Variants in ASTN2 observed in about 807,000 individuals in gnomAD.
The protein encoded by ASTN2 is astrotactin 2, also known as astrotactin-2.
In ASTN2, 54 loss-of-function variants were observed where a neutral mutation model predicts 139.8. The ratio of observed to expected loss-of-function variants is 0.39; its 90% CI spans 0.31 to 0.48. The LOEUF is 0.48. Among genes scored for constraint, ASTN2 ranks in the 20% least tolerant of loss-of-function variants. The pLI, the probability that ASTN2 is intolerant of heterozygous loss-of-function variation, is 0.95. For missense variants in ASTN2, 1,565 were observed against 1,725.1 expected, an observed-to-expected ratio of 0.91 and a Z score of 1.64; for synonymous variants, 756 against 719.5, an observed-to-expected ratio of 1.05 and a Z score of -0.81.
chr9:117,046,154 C>T (rs954063770), intron 5 of ASTN2, among the ~76,000 whole-genome samples: 4 of 152,034 alleles, frequency 2.6e-5, no homozygotes, highest in African/African-American at 7.2e-5. Flanking sequence ...GCAAACGCCA[C>T]CACACCTGGC....
intron 10 of ASTN2, among the ~76,000 whole-genome samples, chr9:116,886,329 C>T (rs1183405396): frequency 1.3e-5 from 2 of 152,256 alleles, no homozygotes; most frequent in African/African-American, 4.8e-5. Flanking sequence ...ACTGCCCAAG[C>T]AATGTGGGAA....
intron 6 of ASTN2, among the ~76,000 whole-genome samples, chr9:117,022,591 G>A (rs1837916709): frequency 6.6e-6 from 1 of 152,106 alleles, no homozygotes; most frequent in Non-Finnish European, 1.5e-5. Flanking sequence ...TTGAAAACTA[G>A]ACTTAACACG....
intron 19 of ASTN2, among the ~76,000 whole-genome samples, chr9:116,606,252 G>C (rs575341988): frequency 6.6e-6 from 1 of 152,150 alleles, no homozygotes; most frequent in Non-Finnish European, 1.5e-5. Context: ...ACAGCGTCCC[G>C]GAACTGACCG....
At chr9:117,347,617 T>A (rs1235267647) in intron 1 of ASTN2, among the ~76,000 whole-genome samples, 1 of 152,178 alleles carries the variant, frequency 6.6e-6, no homozygotes. Flanking sequence ...CCACACCCAA[T>A]TATCTGTTCT....
At chr9:116,783,391 A>G (rs1014671322) in intron 13 of ASTN2, among the ~76,000 whole-genome samples, 6 of 135,116 alleles carry the variant, frequency 4.4e-5, no homozygotes, top group Admixed American at 1.8e-4. Flanking sequence ...TCAACCTTCT[A>G]TCTTGTTAAC....
At chr9:116,733,576 G>A in intron 13 of ASTN2, 53 bp from the exon 14 acceptor site, 2 of 1,610,708 alleles carry the variant, frequency 1.2e-6, no homozygotes, top group Admixed American at 1.7e-5. Context: ...GACTGCTGAG[G>A]ACTACAGGGC....
chr9:116,878,987 A>G (rs1833376534), intron 10 of ASTN2, among the ~76,000 whole-genome samples: 1 of 151,870 alleles, frequency 6.6e-6, no homozygotes, highest in South Asian at 2.1e-4. Context: ...CCTGCTGCTC[A>G]GGAGCCTGAG....
chr9:116,763,904 A>G (rs1281041885), intron 13 of ASTN2, among the ~76,000 whole-genome samples: 3 of 152,190 alleles, frequency 2.0e-5, no homozygotes, highest in Non-Finnish European at 4.4e-5. Flanking sequence ...AGAAACAACC[A>G]GATAACTCCA....
intron 2 of ASTN2, among the ~76,000 whole-genome samples, chr9:117,256,796 A>C (rs1474062841): frequency 6.6e-6 from 1 of 152,228 alleles, no homozygotes; most frequent in Non-Finnish European, 1.5e-5. Flanking sequence ...TTAGTTTTTC[A>C]TTCAACAGCA....
intron 19 of ASTN2, among the ~76,000 whole-genome samples, chr9:116,518,052 G>A (rs1587925282): frequency 6.6e-6 from 1 of 152,314 alleles, no homozygotes; most frequent in South Asian, 2.1e-4. Context: ...TCCCAAGGAA[G>A]ACAACAAATC....
chr9:117,016,626 A>AGGT lies in ASTN2; in HGVS notation c.1424-8368_1424-8367insACC, dbSNP rs1564385881. On this transcript the variant is annotated intron_variant, in intron 6 of 22. Transcript: ENST00000313400. ...TATCTATATCTATATCTATCTATCT[A>AGGT]TATATATATATATATATATATATAT... is the stretch of plus-strand genomic sequence containing the variant. Among the ~76,000 whole-genome samples the AGGT allele has an allele frequency of 8.1e-3, 158 of 19,456 alleles. 20 individuals are homozygous for AGGT. Among genetic ancestry groups the AGGT allele is most frequent in the Middle Eastern group, 0.056 (2 of 36 alleles). The allele number at this position is 19,456 out of a possible 152,430, so 12.8% of individuals were successfully genotyped here. A position where few individuals can be genotyped will look rare whatever the true frequency, so the allele number is the denominator to read the frequency against.
chr9:117,382,235 G>T (rs911275992), intron 1 of ASTN2, among the ~76,000 whole-genome samples: 1 of 152,138 alleles, frequency 6.6e-6, no homozygotes, highest in African/African-American at 2.4e-5. Flanking sequence ...GGGTGATGGG[G>T]TTGGCATGTG....
intron 10 of ASTN2, among the ~76,000 whole-genome samples, chr9:116,912,823 C>A (rs946043128): frequency 1.3e-5 from 2 of 152,092 alleles, no homozygotes; most frequent in African/African-American, 4.8e-5. Flanking sequence ...CGGTTAAGAA[C>A]ATCAACTTCA....
At chr9:116,607,563 C>T (rs541137238) in intron 19 of ASTN2, among the ~76,000 whole-genome samples, 4 of 152,078 alleles carry the variant, frequency 2.6e-5, no homozygotes, top group African/African-American at 9.6e-5. Flanking sequence ...TGGATTAGAG[C>T]ACTGTTTCCT....
At chr9:116,628,780 A>T (rs961138673) in intron 17 of ASTN2, among the ~76,000 whole-genome samples, 3 of 152,162 alleles carry the variant, frequency 2.0e-5, no homozygotes, top group African/African-American at 7.2e-5. Context: ...CAAATGTACC[A>T]CTCTGGTGGA....
At chr9:116,473,729 G>A (rs1848890890) in intron 20 of ASTN2, among the ~76,000 whole-genome samples, 1 of 152,056 alleles carries the variant, frequency 6.6e-6, no homozygotes, top group South Asian at 2.1e-4. Flanking sequence ...ATGGCAAAAT[G>A]CCGTCTCTAC....
chr9:117,097,920 T>G (rs1288130533), intron 4 of ASTN2, among the ~76,000 whole-genome samples: 1 of 152,222 alleles, frequency 6.6e-6, no homozygotes, highest in Non-Finnish European at 1.5e-5. Context: ...CCTAGAAGAT[T>G]TGTAGACATT....
chr9:117,104,124 G>T (rs533118542), intron 4 of ASTN2, among the ~76,000 whole-genome samples: 1 of 152,206 alleles, frequency 6.6e-6, no homozygotes, highest in Non-Finnish European at 1.5e-5. Flanking sequence ...CCCCAGGGAA[G>T]AAATTTCTGC....
chr9:116,565,383 CTCTCCATATATATATATATATATA>C (rs1217317441), intron 19 of ASTN2, among the ~76,000 whole-genome samples: 17 of 36,086 alleles, frequency 4.7e-4, no homozygotes, highest in South Asian at 2.8e-3. Context: ...CTCTCTCTCT[CTCTCCATATATATATATATATATA>C]TATATATATA....
Sources: allele counts gnomAD v4.1 joint callset (sites outside exome capture counted in the v4.1 genomes callset), GRCh38; gene constraint gnomAD v4.1.1; transcripts MANE v1.5; gene names NCBI Gene and HGNC (gene_info 2026-07-23, HGNC 2026-07-21).